Variants in C5orf34 observed in about 807,000 individuals in gnomAD.
C5orf34 encodes the protein uncharacterized protein C5orf34.
In C5orf34, 73 loss-of-function variants were observed where a neutral mutation model predicts 78.4. That is an observed-to-expected ratio of 0.93 (90% CI 0.77 to 1.13). The LOEUF is 1.13. Among genes scored for constraint, C5orf34 ranks in the 50% most tolerant of loss-of-function variants. The pLI is 0.00. For missense variants in C5orf34, 730 were observed against 732.7 expected, an observed-to-expected ratio of 1.00 and a Z score of 0.04; for synonymous variants, 251 against 246.6, an observed-to-expected ratio of 1.02 and a Z score of -0.17.
In C5orf34 at chr5:43,490,644, G is replaced by A. The variant is rs749734053; in HGVS notation, c.1666C>T (p.Leu556Phe). ...EMPTHSSSSV[L>F]QENWSVASEL... ...AAAGAAAAATACCAATTTTCTTGGA[G>A]AACAGAAGATGACGAATGAGTGGGC... is the stretch of plus-strand genomic sequence containing the variant. Residue 556 changes from leucine (L) to phenylalanine (F), a missense_variant, in exon 11 of 13, where the codon CTC (leucine) becomes TTC (phenylalanine). Coordinates refer to ENST00000306862, the MANE Select transcript of C5orf34 (RefSeq NM_198566.4). The A allele has an allele frequency of 1.9e-6, 3 of 1,603,230 alleles. No individual in the cohort carries two copies. Among genetic ancestry groups the A allele is most frequent in the Non-Finnish European group, 8.5e-7 (1 of 1,170,554 alleles).
intron 6 of C5orf34, among the ~76,000 whole-genome samples, chr5:43,498,884 C>A (rs1396067282): frequency 6.6e-6 from 1 of 152,184 alleles, no homozygotes; most frequent in East Asian, 1.9e-4. Flanking sequence ...CTGGACATTT[C>A]CCCCAGCATC....
intron 5 of C5orf34, 45 bp from the exon 6 acceptor site, chr5:43,502,540 T>C (rs1313299583): frequency 8.6e-7 from 1 of 1,163,816 alleles, no homozygotes. Flanking sequence ...CCACTTGAGA[T>C]TAAAACATGC....
chr5:43,508,826 G>T (rs1236086560), intron 2 of C5orf34, among the ~76,000 whole-genome samples, 160 bp from the exon 3 acceptor site: 1 of 152,208 alleles, frequency 6.6e-6, no homozygotes, highest in East Asian at 1.9e-4. Flanking sequence ...AGGCACGGTG[G>T]TTCACTCCTG....
chr5:43,508,562 A>T lies in C5orf34; in HGVS notation c.285+15T>A. 7.0e-7 allele frequency: 1 copy of T among 1,423,304 alleles called. No individual in the cohort carries two copies. Among genetic ancestry groups the T allele is most frequent in the Non-Finnish European group, 9.8e-7 (1 of 1,017,116 alleles). 88.2% of individuals were successfully genotyped at this position (1,423,304 alleles called of 1,614,324 possible). A position where few individuals can be genotyped will look rare whatever the true frequency, so the allele number is the denominator to read the frequency against. On this transcript the variant is annotated intron_variant, in intron 3 of 12. Transcript: ENST00000306862. ...CCTCAAATAATACTAACAAAAATGA[A>T]GTTAAAAAAATCACCTTTTTTCTTT...
Position 43,508,565 on chromosome 5 carries a change from TA to T in C5orf34, c.285+11del. 8.0e-6 allele frequency: 12 copies of T among 1,502,582 alleles called. No homozygotes were observed. Among genetic ancestry groups the T allele is most frequent in the Non-Finnish European group, 1.1e-5 (12 of 1,088,962 alleles). 93.1% of individuals were successfully genotyped at this position (1,502,582 alleles called of 1,614,324 possible). ...CAAATAATACTAACAAAAATGAAGTTAAAAAAATCACCTTTTTTCTTTCAGA... is the reference window on the plus strand; with the variant it reads ...CAAATAATACTAACAAAAATGAAGTTAAAAAATCACCTTTTTTCTTTCAGA... On this transcript the variant is annotated intron_variant, in intron 3 of 12. Coordinates refer to ENST00000306862, the MANE Select transcript of C5orf34 (RefSeq NM_198566.4).
At chr5:43,510,145 C>T (rs1351114767) in intron 1 of C5orf34, among the ~76,000 whole-genome samples, 9 of 152,082 alleles carry the variant, frequency 5.9e-5, no homozygotes, top group Non-Finnish European at 4.4e-5. Flanking sequence ...AAGAATGCAG[C>T]AAATTGTTTG....
intron 2 of C5orf34, among the ~76,000 whole-genome samples, chr5:43,508,897 C>A (rs1206394166): frequency 2.6e-5 from 4 of 152,112 alleles, no homozygotes; most frequent in Non-Finnish European, 5.9e-5. Context: ...AGTGTGAGAA[C>A]CAGTTTGTGC....
chr5:43,505,120 T>TA (rs1382236487), intron 4 of C5orf34, among the ~76,000 whole-genome samples: 5 of 152,254 alleles, frequency 3.3e-5, no homozygotes, highest in Non-Finnish European at 5.9e-5. Context: ...TTGTAAGTGT[T>TA]AGTTTTTATC....
chr5:43,497,185 T>G (rs1745569038), intron 6 of C5orf34, among the ~76,000 whole-genome samples: 1 of 152,208 alleles, frequency 6.6e-6, no homozygotes, highest in South Asian at 2.1e-4. Context: ...CTCCTCAGAC[T>G]TGCTAGTGTT....
chr5:43,513,366 A>C (rs1242620239), intron 1 of C5orf34, among the ~76,000 whole-genome samples: 3 of 152,200 alleles, frequency 2.0e-5, no homozygotes, highest in African/African-American at 7.2e-5. Flanking sequence ...AATCACTCCT[A>C]CCAAAAGCAG....
chr5:43,499,037 G>T (rs372019802), intron 6 of C5orf34, among the ~76,000 whole-genome samples: 2 of 152,284 alleles, frequency 1.3e-5, no homozygotes, highest in African/African-American at 4.8e-5. Flanking sequence ...ATAAGATAGG[G>T]CTTAAATCTA....
chr5:43,511,458 C>T (rs1213475889), intron 1 of C5orf34, among the ~76,000 whole-genome samples: 30 of 151,694 alleles, frequency 2.0e-4, no homozygotes, highest in African/African-American at 5.1e-4. Flanking sequence ...AGGTGGGGGG[C>T]GCCTCTGCCT....
intron 6 of C5orf34, among the ~76,000 whole-genome samples, chr5:43,498,595 C>T (rs931011116): frequency 6.6e-6 from 1 of 152,216 alleles, no homozygotes; most frequent in African/African-American, 2.4e-5. Context: ...CCTTCCTCAT[C>T]CTCAGCGTCC....
At chr5:43,491,250 C>A (rs2112268816) in intron 10 of C5orf34, among the ~76,000 whole-genome samples, 1 of 152,212 alleles carries the variant, frequency 6.6e-6, no homozygotes, top group South Asian at 2.1e-4. Flanking sequence ...AAATGATTGG[C>A]TGAATCAATA....
In C5orf34 at chr5:43,492,892, T is replaced by G; in HGVS notation, c.1315-2A>C. The G allele has an allele frequency of 6.4e-7, 1 of 1,552,168 alleles. No individual in the cohort carries two copies. The highest frequency in any genetic ancestry group is 1.4e-5 in the African/African-American group (1 of 72,626). ...ATTGCTATCATTTATCCCAGGTACC[T>G]AAAACCAAGTAAATAAAAATAGCAG... On this transcript the variant is annotated splice_acceptor_variant, in intron 8 of 12. Transcript: ENST00000306862. LOFTEE classifies it high-confidence loss of function.
chr5:43,492,890 C>G lies in C5orf34; in HGVS notation c.1315G>C (p.Val439Leu). The G allele has an allele frequency of 6.4e-7, 1 of 1,565,438 alleles. No individual in the cohort carries two copies. Among genetic ancestry groups the G allele is most frequent in the Non-Finnish European group, 8.7e-7 (1 of 1,150,500 alleles). ...HNYRICCWKM[V>L]PGINDSNILP... is the part of the protein sequence containing the mutation. ...ATATTGCTATCATTTATCCCAGGTACCTAAAACCAAGTAAATAAAAATAGC... is the reference window on the plus strand; with the variant it reads ...ATATTGCTATCATTTATCCCAGGTAGCTAAAACCAAGTAAATAAAAATAGC... The change falls in exon 9 of 13, where the codon GTA becomes CTA. Residue 439 changes from valine (V) to leucine (L), a missense_variant and splice_region_variant. By Grantham distance (32) the Val-to-Leu change is conservative. Transcript: ENST00000306862.
At chr5:43,492,137 T>C in intron 10 of C5orf34, 78 bp downstream of exon 10, 1 of 974,398 alleles carries the variant, frequency 1.0e-6, no homozygotes, top group Non-Finnish European at 1.6e-6. Context: ...TATATAACAC[T>C]TAAATAATGC....
intron 12 of C5orf34, 51 bp from the exon 13 acceptor site, chr5:43,487,162 A>G: frequency 1.2e-6 from 1 of 853,368 alleles, no homozygotes; most frequent in Non-Finnish European, 1.7e-6. Context: ...CTATATAAAT[A>G]TCTTTATATA....
intron 6 of C5orf34, among the ~76,000 whole-genome samples, chr5:43,499,555 ACTTCTC>A (rs1345789135): frequency 6.6e-6 from 1 of 151,192 alleles, no homozygotes; most frequent in Non-Finnish European, 1.5e-5. Flanking sequence ...GTCCTCTCAG[ACTTCTC>A]CTCCCTCACA....
Sources: allele counts gnomAD v4.1 joint callset (sites outside exome capture counted in the v4.1 genomes callset), GRCh38; gene constraint gnomAD v4.1.1; transcripts MANE v1.5; gene names NCBI Gene and HGNC (gene_info 2026-07-23, HGNC 2026-07-21).